NCOA2: variants seen among roughly 807,000 people sequenced by gnomAD.
NCOA2 encodes class E basic helix-loop-helix protein 75.
Under a neutral mutation model 145.1 loss-of-function variants are expected in NCOA2, and 21 were observed. That is an observed-to-expected ratio of 0.14 (90% CI 0.10 to 0.21). The LOEUF is 0.21. Ranked by LOEUF, NCOA2 falls within the 10% of genes least tolerant of loss-of-function variation. NCOA2 has a pLI of 1.00. For synonymous variants in NCOA2, 619 were observed against 637.5 expected (o/e 0.97, Z 0.44); for missense variants, 1,472 against 1,837.6 (o/e 0.80, Z 3.64).
At chr8:70,173,441 A>C (rs1037974150) in intron 5 of NCOA2, among the ~76,000 whole-genome samples, 1 of 152,230 alleles carries the variant, frequency 6.6e-6, no homozygotes, top group African/African-American at 2.4e-5. Flanking sequence ...TTCCAAAGGA[A>C]ATTATCCAGT....
intron 4 of NCOA2, among the ~76,000 whole-genome samples, chr8:70,177,491 T>A (rs1814998415): frequency 6.6e-6 from 1 of 152,108 alleles, no homozygotes; most frequent in Non-Finnish European, 1.5e-5. Flanking sequence ...TGGGAGCAAG[T>A]GGGATCGAGG....
intron 1 of NCOA2, among the ~76,000 whole-genome samples, chr8:70,301,549 T>A (rs1007923847): frequency 1.4e-5 from 2 of 147,522 alleles, no homozygotes; most frequent in Non-Finnish European, 3.0e-5. Flanking sequence ...CAGATACTCA[T>A]GAGGCTGGGA....
At chr8:70,235,188 G>A (rs890748253) in intron 2 of NCOA2, among the ~76,000 whole-genome samples, 6 of 152,174 alleles carry the variant, frequency 3.9e-5, no homozygotes, top group African/African-American at 1.4e-4. Context: ...GATGAACCTT[G>A]AGAATACCCT....
upstream of NCOA2, among the ~76,000 whole-genome samples, chr8:70,407,721 G>A (rs558743038): frequency 5.9e-5 from 9 of 152,080 alleles, no homozygotes; most frequent in Middle Eastern, 3.4e-3. Flanking sequence ...TGTTTGAACC[G>A]GGAGGCGGAG....
At chr8:70,162,301 A>G (rs891754996) in intron 9 of NCOA2, among the ~76,000 whole-genome samples, 2 of 152,104 alleles carry the variant, frequency 1.3e-5, no homozygotes, top group African/African-American at 4.8e-5. Context: ...GTTGGTTACC[A>G]CCTTGAAGAA....
the NCOA2 span, among the ~76,000 whole-genome samples, chr8:70,436,169 A>G: frequency 6.6e-6 from 1 of 152,284 alleles, no homozygotes. Flanking sequence ...AGAGGCATGC[A>G]TTTTATTTCC....
At chr8:70,308,031 A>G (rs1666250159) in intron 1 of NCOA2, among the ~76,000 whole-genome samples, 1 of 152,206 alleles carries the variant, frequency 6.6e-6, no homozygotes, top group African/African-American at 2.4e-5. Context: ...GATTTTAAGA[A>G]TCATTCATGT....
chr8:70,118,192 GC>G (rs1807363064), intron 22 of NCOA2, among the ~76,000 whole-genome samples: 2 of 152,224 alleles, frequency 1.3e-5, no homozygotes, highest in African/African-American at 4.8e-5. Flanking sequence ...GGAGACGTAA[GC>G]CTGGCCTCCC....
intron 4 of NCOA2, among the ~76,000 whole-genome samples, chr8:70,197,084 ATTCTC>A (rs1365120122): frequency 6.6e-6 from 1 of 152,234 alleles, no homozygotes; most frequent in African/African-American, 2.4e-5. Context: ...TTTACATGAC[ATTCTC>A]TTAACGCTGC....
At chr8:70,403,905 G>A (rs2131888195), upstream of NCOA2, 4 of 374,590 alleles carry the variant, frequency 1.1e-5, no homozygotes, top group South Asian at 1.3e-4. Context: ...CGGAGAGACA[G>A]ACAGCGCGAG....
At chr8:70,201,996 A>G (rs1306651988) in intron 4 of NCOA2, among the ~76,000 whole-genome samples, 1 of 152,208 alleles carries the variant, frequency 6.6e-6, no homozygotes, top group African/African-American at 2.4e-5. Flanking sequence ...TCAGTGATAA[A>G]TATTATGATA....
the NCOA2 span, among the ~76,000 whole-genome samples, chr8:70,415,774 A>G: frequency 1.3e-5 from 2 of 152,202 alleles, no homozygotes; most frequent in Non-Finnish European, 2.9e-5. Flanking sequence ...AGTAGTTTAG[A>G]TTTATCATCT....
chr8:70,160,686 A>AGAGAGAGG (rs1211356515), intron 9 of NCOA2, among the ~76,000 whole-genome samples: 290 of 147,882 alleles, frequency 2.0e-3, no homozygotes, highest in African/African-American at 6.6e-3. Context: ...AGAGAGGGAG[A>AGAGAGAGG]GAGAGAGAGA....
At chr8:70,145,141 A>AT (rs1243757867) in intron 12 of NCOA2, among the ~76,000 whole-genome samples, 1 of 151,728 alleles carries the variant, frequency 6.6e-6, no homozygotes, top group Admixed American at 6.5e-5. Flanking sequence ...TCATTCATTC[A>AT]TTCATTCATT....
the NCOA2 span, among the ~76,000 whole-genome samples, chr8:70,422,203 C>T: frequency 6.6e-6 from 1 of 151,910 alleles, no homozygotes; most frequent in Non-Finnish European, 1.5e-5. Flanking sequence ...AATTTCTTTT[C>T]TGCAAAGTTA....
chr8:70,301,530 C>T (rs1827486338), intron 1 of NCOA2, among the ~76,000 whole-genome samples: 1 of 151,700 alleles, frequency 6.6e-6, no homozygotes. Context: ...TGGCGCATGT[C>T]TGTAGTCTCA....
At chr8:70,115,261 CT>C (rs1215428485) in intron 22 of NCOA2, among the ~76,000 whole-genome samples, 1 of 152,184 alleles carries the variant, frequency 6.6e-6, no homozygotes, top group Non-Finnish European at 1.5e-5. Flanking sequence ...AGCAATTCTC[CT>C]GCCTCAGCCT....
intron 5 of NCOA2, among the ~76,000 whole-genome samples, chr8:70,171,776 C>T (rs1395810078): frequency 6.6e-6 from 1 of 151,682 alleles, no homozygotes; most frequent in South Asian, 2.1e-4. Flanking sequence ...TATCCTCCCA[C>T]CTCAGCCTCC....
intron 2 of NCOA2, among the ~76,000 whole-genome samples, chr8:70,257,665 G>A (rs1823745849): frequency 6.6e-6 from 1 of 151,530 alleles, no homozygotes; most frequent in Non-Finnish European, 1.5e-5. Flanking sequence ...CTTTCCAAAT[G>A]CCATAGGGTC....
Sources: gnomAD v4.1 joint callset for allele counts (sites outside exome capture counted in the v4.1 genomes callset) on GRCh38, gnomAD v4.1.1 for gene constraint, MANE v1.5 for transcripts, NCBI Gene and HGNC (gene_info 2026-07-23, HGNC 2026-07-21) for gene names.